The following GRM7 variants were observed in gnomAD, a reference collection of about 807,000 sequenced individuals.
GRM7 encodes the protein metabotropic glutamate receptor 7.
In GRM7, 35 loss-of-function variants were observed where a neutral mutation model predicts 84.5. The ratio of observed to expected loss-of-function variants is 0.41; its 90% CI spans 0.32 to 0.55. The LOEUF is 0.55. Ranked by LOEUF, GRM7 falls within the 20% of genes least tolerant of loss-of-function variation. The pLI, the probability that GRM7 is intolerant of heterozygous loss-of-function variation, is 0.19. For synonymous variants in GRM7, 487 were observed against 455.1 expected (o/e 1.07, Z -0.89); for missense variants, 1,003 against 1,194.6 (o/e 0.84, Z 2.36).
intron 1 of GRM7, among the ~76,000 whole-genome samples, chr3:7,029,336 A>C (rs1431969860): frequency 6.6e-6 from 1 of 151,938 alleles, no homozygotes; most frequent in Non-Finnish European, 1.5e-5. Context: ...AACAAACAAA[A>C]AAAACATGAA....
intron 2 of GRM7, among the ~76,000 whole-genome samples, chr3:7,252,513 T>C (rs1194229512): frequency 6.6e-6 from 1 of 152,174 alleles, no homozygotes; most frequent in Non-Finnish European, 1.5e-5. Flanking sequence ...TATAAGATGC[T>C]TGATTGGAGG....
chr3:7,475,670 A>G (rs1253977850), intron 7 of GRM7, among the ~76,000 whole-genome samples: 3 of 152,322 alleles, frequency 2.0e-5, no homozygotes, highest in South Asian at 4.1e-4. Context: ...CTTGAGCAGA[A>G]GACTAACTGA....
Position 7,730,637 on chromosome 3 carries a change from A to T in GRM7, c.2699-9720A>T, listed in dbSNP as rs75894610. Among the ~76,000 whole-genome samples the T allele has an allele frequency of 6.5e-3, 985 of 152,326 alleles. 21 individuals carry two copies. In the East Asian group the frequency reaches 0.067, roughly 10 times the overall value. Reference sequence around the variant, plus strand: ...GAATGTCTTATCCAAAAATAGCAAGACCTGGATTTCAGCAGGAGCTTTTCA... The same window carrying T: ...GAATGTCTTATCCAAAAATAGCAAGTCCTGGATTTCAGCAGGAGCTTTTCA... On this transcript the variant is annotated intron_variant, in intron 9 of 9. Transcript: ENST00000357716.
chr3:6,910,403 A>C (rs996697676), intron 1 of GRM7, among the ~76,000 whole-genome samples: 3 of 152,120 alleles, frequency 2.0e-5, no homozygotes, highest in African/African-American at 7.2e-5. Context: ...TCAGGAACCC[A>C]TGTCTCTTCC....
intron 1 of GRM7, among the ~76,000 whole-genome samples, chr3:6,944,883 T>A (rs1698007650): frequency 1.3e-5 from 2 of 152,120 alleles, no homozygotes; most frequent in Middle Eastern, 3.2e-3. Flanking sequence ...AAGTGAGCCC[T>A]TTTAACATGT....
intron 1 of GRM7, among the ~76,000 whole-genome samples, chr3:7,022,740 T>C (rs943070102): frequency 4.6e-5 from 7 of 152,136 alleles, no homozygotes; most frequent in Non-Finnish European, 1.0e-4. Context: ...GGTTCTCTTA[T>C]AGCCAGGGCA....
chr3:6,976,475 G>T (rs1411679261), intron 1 of GRM7, among the ~76,000 whole-genome samples: 1 of 152,170 alleles, frequency 6.6e-6, no homozygotes, highest in Non-Finnish European at 1.5e-5. Context: ...GAGTCAGTTT[G>T]CACTTTATTG....
intron 1 of GRM7, among the ~76,000 whole-genome samples, chr3:6,958,515 A>G (rs1693160188): frequency 6.6e-6 from 1 of 152,126 alleles, no homozygotes; most frequent in Non-Finnish European, 1.5e-5. Context: ...TGTGGATGTT[A>G]TTCTTTCATT....
At chr3:7,279,483 G>A (rs763134875) in intron 2 of GRM7, among the ~76,000 whole-genome samples, 11 of 152,136 alleles carry the variant, frequency 7.2e-5, no homozygotes, top group Non-Finnish European at 1.2e-4. Flanking sequence ...AGTTAGCCAT[G>A]GAGTCAGCTC....
At chr3:7,402,545 A>C (rs1695495759) in intron 4 of GRM7, among the ~76,000 whole-genome samples, 1 of 152,180 alleles carries the variant, frequency 6.6e-6, no homozygotes, top group African/African-American at 2.4e-5. Flanking sequence ...ATGATGTCTT[A>C]ATATGCCAGA....
At chr3:7,232,626 A>G (rs1697230232) in intron 2 of GRM7, among the ~76,000 whole-genome samples, 1 of 152,206 alleles carries the variant, frequency 6.6e-6, no homozygotes, top group African/African-American at 2.4e-5. Flanking sequence ...TGCAGTTTGT[A>G]ATGAGAGGCT....
At chr3:7,185,303 G>A (rs1695478279) in intron 2 of GRM7, among the ~76,000 whole-genome samples, 1 of 152,136 alleles carries the variant, frequency 6.6e-6, no homozygotes, top group Non-Finnish European at 1.5e-5. Context: ...CACTGCCAAC[G>A]AGAGTTGAGA....
intron 9 of GRM7, chr3:7,691,279 C>T: frequency 7.8e-7 from 1 of 1,285,436 alleles, no homozygotes; most frequent in Non-Finnish European, 1.0e-6. Flanking sequence ...TCTTCTTGAG[C>T]TGACCCAACA....
At chr3:7,581,453 A>T (rs1695247341) in intron 8 of GRM7, among the ~76,000 whole-genome samples, 1 of 152,180 alleles carries the variant, frequency 6.6e-6, no homozygotes, top group Admixed American at 6.6e-5. Flanking sequence ...GGAACAGTAA[A>T]TTATTACATG....
intron 2 of GRM7, among the ~76,000 whole-genome samples, chr3:7,168,593 T>C (rs1005523105): frequency 6.6e-6 from 1 of 152,164 alleles, no homozygotes; most frequent in African/African-American, 2.4e-5. Flanking sequence ...AATAAATGTT[T>C]GTTGTTTAAG....
intron 1 of GRM7, among the ~76,000 whole-genome samples, chr3:6,985,760 C>T (rs773004334): frequency 6.6e-6 from 1 of 152,096 alleles, no homozygotes; most frequent in Non-Finnish European, 1.5e-5. Context: ...TTGGGCCTAG[C>T]AGGAACAAAA....
intron 1 of GRM7, among the ~76,000 whole-genome samples, chr3:6,890,988 G>C (rs1695915096): frequency 2.0e-5 from 3 of 152,064 alleles, no homozygotes; most frequent in Non-Finnish European, 4.4e-5. Context: ...ATTATGTAAT[G>C]GCCTTCTTTG....
chr3:7,322,893 G>A (rs941605334), intron 4 of GRM7, among the ~76,000 whole-genome samples: 4 of 152,044 alleles, frequency 2.6e-5, no homozygotes, highest in African/African-American at 9.7e-5. Context: ...GCGTATGGTC[G>A]TTAGAAATGT....
intron 9 of GRM7, among the ~76,000 whole-genome samples, chr3:7,684,672 C>A (rs546787307): frequency 1.3e-5 from 2 of 152,290 alleles, no homozygotes; most frequent in African/African-American, 4.8e-5. Flanking sequence ...CCTTAGCTAA[C>A]AGTCCATTGT....
Sources: allele counts gnomAD v4.1 joint callset (sites outside exome capture counted in the v4.1 genomes callset), GRCh38; gene constraint gnomAD v4.1.1; transcripts MANE v1.5; gene names NCBI Gene and HGNC (gene_info 2026-07-23, HGNC 2026-07-21).